The following HECW2 variants were observed in gnomAD, a reference collection of about 807,000 sequenced individuals.
HECW2 encodes the protein HECT, C2 and WW domain containing E3 ubiquitin protein ligase 2.
HECW2 carries 61 observed loss-of-function variants against 175.2 expected under a neutral mutation model. The ratio of observed to expected loss-of-function variants is 0.35; its 90% CI spans 0.28 to 0.43. The LOEUF (loss-of-function observed/expected upper bound fraction) is 0.43, where lower values mean the gene tolerates loss of function less well. HECW2 is among the 20% of genes least tolerant of loss of function. The pLI is 1.00. For synonymous variants in HECW2, 671 were observed against 731.0 expected, an observed-to-expected ratio of 0.92 and a Z score of 1.32; for missense variants, 1,524 against 2,000.5, an observed-to-expected ratio of 0.76 and a Z score of 4.54.
At chr2:196,402,222 A>AG (rs1454168398) in intron 2 of HECW2, among the ~76,000 whole-genome samples, 57 of 147,492 alleles carry the variant, frequency 3.9e-4, no homozygotes, top group Non-Finnish European at 4.7e-4. Context: ...AAAAAAAAAA[A>AG]AAAAGAGGGA....
intron 2 of HECW2, among the ~76,000 whole-genome samples, chr2:196,391,026 T>C (rs111899666): frequency 4.6e-4 from 70 of 152,222 alleles, no homozygotes; most frequent in African/African-American, 1.6e-3. Flanking sequence ...AACCGACCTA[T>C]AGGTACTGCA....
At chr2:196,484,881 A>T (rs1686949625) in intron 1 of HECW2, among the ~76,000 whole-genome samples, 1 of 152,216 alleles carries the variant, frequency 6.6e-6, no homozygotes, top group African/African-American at 2.4e-5. Context: ...CATGAAAGTT[A>T]AAGATTCAAT....
intron 1 of HECW2, among the ~76,000 whole-genome samples, chr2:196,489,185 ATAAATTAG>A (rs1325717748): frequency 1.2e-4 from 19 of 152,340 alleles, no homozygotes; most frequent in Admixed American, 9.1e-4. Flanking sequence ...GCATGAGGTC[ATAAATTAG>A]TAGGCTTATA....
At chr2:196,570,143 T>G (rs1690332671) in intron 1 of HECW2, among the ~76,000 whole-genome samples, 1 of 152,232 alleles carries the variant, frequency 6.6e-6, no homozygotes, top group African/African-American at 2.4e-5. Context: ...TCAATAGATA[T>G]GACTGCAAAC....
At chr2:196,405,034 T>C (rs1194058055) in intron 2 of HECW2, among the ~76,000 whole-genome samples, 1 of 150,784 alleles carries the variant, frequency 6.6e-6, no homozygotes, top group Non-Finnish European at 1.5e-5. Flanking sequence ...GGTTTCACCA[T>C]GTTAGCCAGG....
At chr2:196,309,123 C>G (rs1023640414) in intron 10 of HECW2, among the ~76,000 whole-genome samples, 9 of 152,150 alleles carry the variant, frequency 5.9e-5, no homozygotes, top group African/African-American at 2.2e-4. Flanking sequence ...ATATTTTCTC[C>G]TGACCACCTA....
chr2:196,517,135 G>A (rs753773725), intron 1 of HECW2, among the ~76,000 whole-genome samples: 16 of 152,120 alleles, frequency 1.1e-4, no homozygotes, highest in African/African-American at 2.7e-4. Context: ...GCTTCCCACC[G>A]CTCATTCATA....
intron 2 of HECW2, among the ~76,000 whole-genome samples, chr2:196,406,059 G>T (rs1357785406): frequency 6.6e-6 from 1 of 151,848 alleles, no homozygotes; most frequent in African/African-American, 2.4e-5. Context: ...CTCCTCTCTG[G>T]GCTCAGCCTC....
intron 15 of HECW2, among the ~76,000 whole-genome samples, chr2:196,275,602 AT>A (rs1169146950): frequency 6.6e-6 from 1 of 152,146 alleles, no homozygotes; most frequent in Non-Finnish European, 1.5e-5. Flanking sequence ...AAATACAAAA[AT>A]TAGCCGGGCG....
chr2:196,526,904 G>T (rs2125445555), intron 1 of HECW2, among the ~76,000 whole-genome samples: 1 of 152,100 alleles, frequency 6.6e-6, no homozygotes, highest in Non-Finnish European at 1.5e-5. Flanking sequence ...GGACACTTAA[G>T]TCTGCAGAGG....
intron 4 of HECW2, chr2:196,331,179 C>A: frequency 7.1e-6 from 7 of 985,428 alleles, no homozygotes; most frequent in Non-Finnish European, 8.4e-6. Context: ...AGGGTCCATC[C>A]AGGTATCTGT....
At chr2:196,207,444 C>G (rs1687109920) in intron 28 of HECW2, among the ~76,000 whole-genome samples, 1 of 151,900 alleles carries the variant, frequency 6.6e-6, no homozygotes, top group Non-Finnish European at 1.5e-5. Flanking sequence ...TCATGAATAC[C>G]TTCTTAGGCC....
At chr2:196,286,026 G>T (rs946964862) in intron 14 of HECW2, among the ~76,000 whole-genome samples, 1 of 152,164 alleles carries the variant, frequency 6.6e-6, no homozygotes, top group Admixed American at 6.5e-5. Context: ...TATGTTGGGA[G>T]TGACAGTATT....
chr2:196,368,532 G>A lies in HECW2; in HGVS notation c.293-24768C>T, dbSNP rs138321928. ...TATTGATATCTTTCTCTAGGTTTGGGAGGTTTTCTGTTATTATCTCTTTGA... is the reference window on the plus strand; with the variant it reads ...TATTGATATCTTTCTCTAGGTTTGGAAGGTTTTCTGTTATTATCTCTTTGA... On this transcript the variant is annotated intron_variant, in intron 2 of 28. Coordinates refer to ENST00000644978, the MANE Select transcript of HECW2 (RefSeq NM_001348768.2). Among the ~76,000 whole-genome samples, 242 of 152,182 alleles carry A rather than the reference G, an allele frequency of 1.6e-3. 1 individual carries two copies. The highest frequency in any genetic ancestry group is 5.4e-3 in the African/African-American group (226 of 41,508).
At chr2:196,430,965 GAA>G (rs1452997560) in intron 2 of HECW2, among the ~76,000 whole-genome samples, 2 of 151,960 alleles carry the variant, frequency 1.3e-5, no homozygotes, top group Non-Finnish European at 2.9e-5. Flanking sequence ...TAAATAAAAA[GAA>G]AATCACACCT....
At chr2:196,523,012 A>C (rs1411434860) in intron 1 of HECW2, among the ~76,000 whole-genome samples, 1 of 151,656 alleles carries the variant, frequency 6.6e-6, no homozygotes, top group East Asian at 1.9e-4. Context: ...CAATTCTGTG[A>C]AGAACGTCAT....
intron 3 of HECW2, among the ~76,000 whole-genome samples, chr2:196,337,100 T>C (rs1692575600): frequency 6.6e-6 from 1 of 152,200 alleles, no homozygotes. Flanking sequence ...TTTAATGTTT[T>C]AGAACATCAT....
intron 1 of HECW2, among the ~76,000 whole-genome samples, chr2:196,508,177 AC>A (rs973366367): frequency 6.6e-6 from 1 of 152,202 alleles, no homozygotes; most frequent in Non-Finnish European, 1.5e-5. Flanking sequence ...TAAATACACT[AC>A]TTTTCTTCAG....
At chr2:196,337,542 G>A (rs1056692613) in intron 3 of HECW2, among the ~76,000 whole-genome samples, 3 of 146,862 alleles carry the variant, frequency 2.0e-5, no homozygotes, top group African/African-American at 7.7e-5. Context: ...ATCTCCCCCT[G>A]CTGGCCTCAA....
Sources: gnomAD v4.1 joint callset for allele counts (sites outside exome capture counted in the v4.1 genomes callset) on GRCh38, gnomAD v4.1.1 for gene constraint, MANE v1.5 for transcripts, NCBI Gene and HGNC (gene_info 2026-07-23, HGNC 2026-07-21) for gene names.